CNTNAP4: variants seen among roughly 807,000 people sequenced by gnomAD.
The protein encoded by CNTNAP4 is contactin-associated protein-like 4.
In CNTNAP4, 98 loss-of-function variants were observed where a neutral mutation model predicts 148.4. The ratio of observed to expected loss-of-function variants is 0.66; its 90% CI spans 0.56 to 0.78. The LOEUF is 0.78. Ranked by LOEUF, CNTNAP4 falls within the 30% of genes least tolerant of loss-of-function variation. The probability of loss-of-function intolerance (pLI) is 0.00; values close to 1 mark genes in which losing one functional copy is unlikely to be tolerated. For synonymous variants in CNTNAP4, 730 were observed against 565.1 expected (o/e 1.29, Z -4.14); for missense variants, 1,935 against 1,565.6 (o/e 1.24, Z -3.98).
intron 4 of CNTNAP4, among the ~76,000 whole-genome samples, chr16:76,440,619 A>G (rs1273423406): frequency 6.6e-6 from 1 of 152,108 alleles, no homozygotes; most frequent in East Asian, 1.9e-4. Flanking sequence ...CTATCAAACA[A>G]CCCTCATGCT....
chr16:76,510,845 A>G (rs1320382679), intron 15 of CNTNAP4, among the ~76,000 whole-genome samples: 1 of 152,102 alleles, frequency 6.6e-6, no homozygotes, highest in Non-Finnish European at 1.5e-5. Flanking sequence ...TCAGGAATCT[A>G]TGGACAGATT....
chr16:76,414,920 T>C (rs1446538774), intron 3 of CNTNAP4, among the ~76,000 whole-genome samples: 2 of 150,850 alleles, frequency 1.3e-5, no homozygotes, highest in African/African-American at 4.9e-5. Flanking sequence ...CTAACTAGGG[T>C]TTTGTTAACT....
intron 3 of CNTNAP4, among the ~76,000 whole-genome samples, chr16:76,412,808 C>T (rs575205853): frequency 1.3e-5 from 2 of 151,404 alleles, no homozygotes; most frequent in Admixed American, 1.3e-4. Flanking sequence ...TTAATGTATT[C>T]TGACATCAGT....
chr16:76,464,162 C>T (rs1273656490), intron 9 of CNTNAP4, among the ~76,000 whole-genome samples: 5 of 152,136 alleles, frequency 3.3e-5, no homozygotes, highest in South Asian at 2.1e-4. Context: ...CAGGTTAAGG[C>T]GATCCATCTT....
chr16:76,297,413 T>C (rs1190421463), intron 1 of CNTNAP4, among the ~76,000 whole-genome samples: 1 of 152,176 alleles, frequency 6.6e-6, no homozygotes, highest in Non-Finnish European at 1.5e-5. Flanking sequence ...ATCATAATAA[T>C]GTATTTAATT....
In CNTNAP4 at chr16:76,451,633, G is replaced by GTGTGTGTGTGTGTA. The variant is rs1457668726; in HGVS notation, c.1072-874_1072-873insGTGTGTGTGTGTAT. ...TGTGTGTGTGTGTGTGTGTGTGTGT[G>GTGTGTGTGTGTGTA]TATTTTATCCATAAAATGAGTTTCT... On this transcript the variant is annotated intron_variant, in intron 7 of 23. Transcript: ENST00000611870. Among the ~76,000 whole-genome samples the GTGTGTGTGTGTGTA allele has an allele frequency of 2.0e-5, 3 of 150,706 alleles. No homozygotes were observed. The East Asian group carries it at 5.8e-4, about 29-fold the overall frequency.
intron 12 of CNTNAP4, among the ~76,000 whole-genome samples, chr16:76,482,233 A>C (rs1196272548): frequency 6.6e-6 from 1 of 152,046 alleles, no homozygotes; most frequent in Non-Finnish European, 1.5e-5. Context: ...TCCAGGACTG[A>C]TTGTACAAGA....
intron 2 of CNTNAP4, among the ~76,000 whole-genome samples, chr16:76,319,717 T>C (rs952419577): frequency 2.3e-4 from 35 of 151,886 alleles, no homozygotes; most frequent in African/African-American, 8.2e-4. Flanking sequence ...GAAGCAGAGA[T>C]TGGAGTGATA....
chr16:76,446,276 T>C (rs1446276551), intron 4 of CNTNAP4, among the ~76,000 whole-genome samples: 1 of 152,138 alleles, frequency 6.6e-6, no homozygotes, highest in African/African-American at 2.4e-5. Flanking sequence ...GGAATGTCAT[T>C]TCGTTGACTG....
At chr16:76,286,947 A>G (rs1958913385) in intron 1 of CNTNAP4, among the ~76,000 whole-genome samples, 1 of 152,218 alleles carries the variant, frequency 6.6e-6, no homozygotes, top group Non-Finnish European at 1.5e-5. Context: ...AAGGTTGTAA[A>G]GCTGCTCAAT....
chr16:76,312,188 C>T (rs1770971751), intron 1 of CNTNAP4, among the ~76,000 whole-genome samples: 1 of 152,154 alleles, frequency 6.6e-6, no homozygotes, highest in South Asian at 2.1e-4. Context: ...TGGAAGGCTA[C>T]CCTGTGTTTT....
intron 4 of CNTNAP4, among the ~76,000 whole-genome samples, chr16:76,447,406 G>C (rs1184632693): frequency 1.3e-5 from 2 of 149,948 alleles, no homozygotes; most frequent in Non-Finnish European, 2.9e-5. Context: ...TGTATTTCTA[G>C]ATCATGAATT....
intron 12 of CNTNAP4, among the ~76,000 whole-genome samples, chr16:76,483,790 C>T (rs2081927562): frequency 6.6e-6 from 1 of 152,102 alleles, no homozygotes; most frequent in Non-Finnish European, 1.5e-5. Flanking sequence ...GAATGTCAGG[C>T]AGGCCAAATT....
intron 3 of CNTNAP4, 42 bp from the exon 4 acceptor site, chr16:76,427,410 T>A (rs748751312): frequency 3.9e-6 from 6 of 1,550,920 alleles, no homozygotes; most frequent in African/African-American, 1.4e-5. Context: ...GAAATGGATG[T>A]TCTCCAGATA....
chr16:76,471,666 G>T (rs2081382374), intron 10 of CNTNAP4, among the ~76,000 whole-genome samples: 1 of 152,084 alleles, frequency 6.6e-6, no homozygotes, highest in African/African-American at 2.4e-5. Flanking sequence ...TCTCCATGGA[G>T]CCCCAAGCCT....
intron 15 of CNTNAP4, among the ~76,000 whole-genome samples, chr16:76,504,495 A>G (rs2082769355): frequency 6.6e-6 from 1 of 152,162 alleles, no homozygotes; most frequent in African/African-American, 2.4e-5. Context: ...TAAATCTAAA[A>G]CCACAAACTA....
chr16:76,482,752 T>G (rs2081882187), intron 12 of CNTNAP4, among the ~76,000 whole-genome samples: 1 of 152,212 alleles, frequency 6.6e-6, no homozygotes, highest in South Asian at 2.1e-4. Flanking sequence ...CTCTCCCGCC[T>G]GTGCAGTACA....
chr16:76,520,315 G>A (rs1035872843), intron 15 of CNTNAP4, among the ~76,000 whole-genome samples: 8 of 151,876 alleles, frequency 5.3e-5, no homozygotes, highest in East Asian at 3.9e-4. Context: ...ATATTTTTTC[G>A]AAAGAAAAGT....
intron 12 of CNTNAP4, among the ~76,000 whole-genome samples, chr16:76,479,936 T>A (rs73621045): frequency 0.024 from 3,672 of 152,282 alleles, 135 homozygotes; most frequent in African/African-American, 0.083. Flanking sequence ...GAAATATGTT[T>A]GATTAAATTC....
Sources: gnomAD v4.1 joint callset for allele counts (sites outside exome capture counted in the v4.1 genomes callset) on GRCh38, gnomAD v4.1.1 for gene constraint, MANE v1.5 for transcripts, NCBI Gene and HGNC (gene_info 2026-07-23, HGNC 2026-07-21) for gene names.